Variants in ATP11A observed in about 807,000 individuals in gnomAD.
The protein encoded by ATP11A is phospholipid-transporting ATPase IH.
In ATP11A, 81 loss-of-function variants were observed where a neutral mutation model predicts 154.4. The ratio of observed to expected loss-of-function variants is 0.52; its 90% CI spans 0.44 to 0.63. The LOEUF (loss-of-function observed/expected upper bound fraction) is 0.63. ATP11A is among the 30% of genes least tolerant of loss of function. The pLI is 0.00. For synonymous variants in ATP11A, 623 were observed against 585.9 expected, an observed-to-expected ratio of 1.06 and a Z score of -0.91; for missense variants, 1,316 against 1,474.3, an observed-to-expected ratio of 0.89 and a Z score of 1.76.
At chr13:112,743,229 G>A (rs1228342323) in intron 1 of ATP11A, among the ~76,000 whole-genome samples, 1 of 152,032 alleles carries the variant, frequency 6.6e-6, no homozygotes, top group Admixed American at 6.5e-5. Flanking sequence ...TTTCACCATC[G>A]TGAAAAAAAT....
chr13:112,837,024 G>A lies in ATP11A; in HGVS notation c.1705+773G>A, dbSNP rs564272786. 3.6e-4 allele frequency among the ~76,000 whole-genome samples: 55 copies of A among 152,338 alleles called. 1 individual carries two copies. The South Asian group carries it at 0.011, about 30-fold the overall frequency. On this transcript the variant is annotated intron_variant, in intron 16 of 29. Transcript: ENST00000375645. ...CCACCCTCAGCAGGTCACGACACAT[G>A]CCACAGGTCACTCAACACCGCAGCC...
At chr13:112,751,800 CGTCACTGCAGCCTG>C (rs2076699910) in intron 1 of ATP11A, among the ~76,000 whole-genome samples, 1 of 151,730 alleles carries the variant, frequency 6.6e-6, no homozygotes, top group Non-Finnish European at 1.5e-5. Flanking sequence ...TGTGATCCCG[CGTCACTGCAGCCTG>C]GTTCCAGTGA....
chr13:112,860,154 T>C, intron 23 of ATP11A, 133 bp from the exon 24 acceptor site: 1 of 1,019,666 alleles, frequency 9.8e-7, no homozygotes, highest in East Asian at 2.5e-5. Context: ...CAGACCCTAG[T>C]TTATATTGTT....
At position 112,697,303 on chromosome 13, in the gene ATP11A, C is replaced by T. The variant is rs559298994; in HGVS notation, c.39+6848C>T. On this transcript the variant is annotated intron_variant, in intron 1 of 29. Coordinates refer to ENST00000375645, the MANE Select transcript of ATP11A (RefSeq NM_015205.3). This position sits in a 1 kb window ranked among gnomAD's most constrained non-coding sequence, Gnocchi z 4.0. ...GAAGAGGCGTCCACTGCCTGCTACA[C>T]GCCACCCAGCCGTGTTCATTTCCGT... Among the ~76,000 whole-genome samples the T allele has an allele frequency of 6.6e-5, 10 of 152,300 alleles. No homozygotes were observed. Among genetic ancestry groups the T allele is most frequent in the Non-Finnish European group, 1.3e-4 (9 of 68,024 alleles).
intron 25 of ATP11A, among the ~76,000 whole-genome samples, chr13:112,865,447 G>T (rs541988125): frequency 1.2e-3 from 190 of 152,294 alleles, no homozygotes; most frequent in African/African-American, 4.5e-3. Flanking sequence ...TTCTCAGCGG[G>T]GTCCATCACC....
chr13:112,766,773 G>A, intron 1 of ATP11A, among the ~76,000 whole-genome samples: 1 of 151,240 alleles, frequency 6.6e-6, no homozygotes, highest in Non-Finnish European at 1.5e-5. Context: ...CTTTGAACAT[G>A]GATTCCTGTG....
chr13:112,740,152 A>G (rs76481364), intron 1 of ATP11A, among the ~76,000 whole-genome samples: 6 of 128,666 alleles, frequency 4.7e-5, no homozygotes, highest in Non-Finnish European at 8.1e-5. Flanking sequence ...CTCTCTCTAT[A>G]TATATATATA....
intron 2 of ATP11A, 33 bp from the exon 3 acceptor site, chr13:112,804,924 T>C: frequency 7.1e-7 from 1 of 1,400,132 alleles, no homozygotes; most frequent in South Asian, 1.2e-5. Context: ...AAATCTGATC[T>C]CAATGATGGA....
chr13:112,777,945 G>A (rs1438273418), intron 1 of ATP11A, among the ~76,000 whole-genome samples: 1 of 152,242 alleles, frequency 6.6e-6, no homozygotes, highest in South Asian at 2.1e-4. Context: ...CACCCTGCAC[G>A]GAGAGGCCTG....
chr13:112,842,783 T>C (rs1297354902), intron 17 of ATP11A, among the ~76,000 whole-genome samples: 4 of 152,272 alleles, frequency 2.6e-5, no homozygotes, highest in Non-Finnish European at 4.4e-5. Flanking sequence ...TTTTCTGTTG[T>C]GACATCACCT....
intron 25 of ATP11A, among the ~76,000 whole-genome samples, chr13:112,865,856 G>A (rs564562669): frequency 6.6e-6 from 1 of 152,346 alleles, no homozygotes; most frequent in African/African-American, 2.4e-5. Flanking sequence ...CGGCCAGCCT[G>A]CTGAGGTTTT....
intron 1 of ATP11A, among the ~76,000 whole-genome samples, chr13:112,766,490 G>A (rs2077079660): frequency 1.3e-5 from 2 of 152,172 alleles, no homozygotes; most frequent in South Asian, 4.1e-4. Context: ...CTGCAGAGCT[G>A]CGTCCAGAAG....
rs779335965 is a variant in ATP11A, at chr13:112,842,287, C to G, written c.1717C>G (p.Leu573Val). The change falls in exon 17 of 30, where the codon CTG becomes GTG. Residue 573 changes from leucine (L) to valine (V), a missense_variant. Around this residue, in one of 5 missense-constraint regions of ATP11A, gnomAD observed 876 missense variants for 1,006.8 expected, o/e 0.87. Coordinates refer to ENST00000375645, the MANE Select transcript of ATP11A (RefSeq NM_015205.3). ...TTCTCATTTTGTAGGAGAAATTTATCTGTTTTGCAAAGGAGCAGATTCTTC... is the reference window on the plus strand; with the variant it reads ...TTCTCATTTTGTAGGAGAAATTTATGTGTTTTGCAAAGGAGCAGATTCTTC... ...IVKSATGEIY[L>V]FCKGADSSIF... 1.2e-6 allele frequency: 2 copies of G among 1,609,176 alleles called. No individual in the cohort carries two copies. Among genetic ancestry groups the G allele is most frequent in the African/African-American group, 1.3e-5 (1 of 74,862 alleles).
chr13:112,836,569 T>C (rs545893516), intron 16 of ATP11A, among the ~76,000 whole-genome samples: 1 of 152,268 alleles, frequency 6.6e-6, no homozygotes, highest in South Asian at 2.1e-4. Context: ...CCCATCCCTA[T>C]CCCCCACCCG....
Position 112,831,454 on chromosome 13 carries a change from A to G in ATP11A, c.1301A>G (p.His434Arg). 1.9e-6 allele frequency: 3 copies of G among 1,614,180 alleles called. No homozygotes were observed. Among genetic ancestry groups the G allele is most frequent in the South Asian group, 1.1e-5 (1 of 91,080 alleles). Residue 434 changes from histidine to arginine, a missense_variant, in exon 13 of 30, where the codon CAT becomes CGT. Physicochemically the swap from His to Arg is conservative, Grantham distance 29. Coordinates refer to ENST00000375645, the MANE Select transcript of ATP11A (RefSeq NM_015205.3). The stretch of plus-strand genomic sequence containing the variant: ...TTCAAGGAGTGCTGCATCGAAGGCC[A>G]TGTCTACGTGCCCCACGTCATCTGC... ...MEFKECCIEG[H>R]VYVPHVICNG...
At chr13:112,725,615 A>G (rs1228811126) in intron 1 of ATP11A, among the ~76,000 whole-genome samples, 2 of 152,200 alleles carry the variant, frequency 1.3e-5, no homozygotes, top group Non-Finnish European at 2.9e-5. Flanking sequence ...TCTCGTGTGT[A>G]GTAATGAAAT....
At chr13:112,847,892 C>A (rs1431285685) in intron 17 of ATP11A, among the ~76,000 whole-genome samples, 2 of 152,166 alleles carry the variant, frequency 1.3e-5, no homozygotes, top group African/African-American at 4.8e-5. Context: ...TTGAGACCAG[C>A]CTGGGAAACA....
chr13:112,865,100 A>G (rs376511421), intron 25 of ATP11A, among the ~76,000 whole-genome samples: 6,736 of 52,644 alleles, frequency 0.13, 439 homozygotes, highest in East Asian at 0.14. Flanking sequence ...AATTCAGTGC[A>G]GCCCATGCAG....
intron 4 of ATP11A, 147 bp from the exon 5 acceptor site, chr13:112,810,472 A>G (rs2078458684): frequency 3.1e-6 from 2 of 648,826 alleles, no homozygotes; most frequent in Admixed American, 2.5e-5. Flanking sequence ...TAGTGTGTGT[A>G]GTGCATCCTC....
Sources: allele counts gnomAD v4.1 joint callset (sites outside exome capture counted in the v4.1 genomes callset), GRCh38; gene constraint gnomAD v4.1.1; regional missense constraint gnomAD v4.1.1; non-coding constraint Gnocchi (gnomAD v3.1); transcripts MANE v1.5; gene names NCBI Gene and HGNC (gene_info 2026-07-23, HGNC 2026-07-21).